Variants in EBF1 observed in about 807,000 individuals in gnomAD.
The protein encoded by EBF1 is transcription factor COE1.
Under a neutral mutation model 68.4 loss-of-function variants are expected in EBF1, and 10 were observed. That is an observed-to-expected ratio of 0.15 (90% confidence interval 0.09 to 0.25). The LOEUF (loss-of-function observed/expected upper bound fraction) is 0.25. EBF1 is among the 10% of genes least tolerant of loss of function. EBF1 has a pLI of 1.00. For missense variants in EBF1, 509 were observed against 794.4 expected (o/e 0.64, Z 4.32); for synonymous variants, 298 against 299.8 (o/e 0.99, Z 0.06).
intron 6 of EBF1, among the ~76,000 whole-genome samples, chr5:158,978,315 C>A (rs766334728): frequency 2.0e-5 from 3 of 152,216 alleles, no homozygotes; most frequent in African/African-American, 7.2e-5. Context: ...AGGGGCCAGG[C>A]GGATGTCTTT....
chr5:159,023,821 A>G (rs1284405340), intron 6 of EBF1, among the ~76,000 whole-genome samples: 2 of 152,194 alleles, frequency 1.3e-5, no homozygotes, highest in Non-Finnish European at 2.9e-5. Context: ...CCCCAAAACA[A>G]TCAGACCTCA....
At chr5:158,873,053 A>G (rs911572373) in intron 6 of EBF1, among the ~76,000 whole-genome samples, 5 of 140,058 alleles carry the variant, frequency 3.6e-5, no homozygotes, top group African/African-American at 5.4e-5. Context: ...CAAGATCCAC[A>G]ATGGCTTAAA....
intron 6 of EBF1, among the ~76,000 whole-genome samples, chr5:159,054,139 A>G (rs1235513062): frequency 6.6e-6 from 1 of 152,220 alleles, no homozygotes; most frequent in Non-Finnish European, 1.5e-5. Flanking sequence ...TTTGCTTTTT[A>G]TAGGGCATTT....
At chr5:158,928,271 G>A (rs555577820) in intron 6 of EBF1, among the ~76,000 whole-genome samples, 1 of 152,234 alleles carries the variant, frequency 6.6e-6, no homozygotes, top group African/African-American at 2.4e-5. Context: ...AGAGTAAAAT[G>A]CTTAGCACAG....
At chr5:158,862,065 A>C (rs892787953) in intron 6 of EBF1, among the ~76,000 whole-genome samples, 3 of 152,214 alleles carry the variant, frequency 2.0e-5, no homozygotes, top group African/African-American at 7.2e-5. Flanking sequence ...GATTACTTTC[A>C]AATTTTTTTG....
At chr5:158,876,928 G>C (rs1482517993) in intron 6 of EBF1, among the ~76,000 whole-genome samples, 1 of 152,114 alleles carries the variant, frequency 6.6e-6, no homozygotes, top group Non-Finnish European at 1.5e-5. Context: ...CACTAACCTG[G>C]TACAAATAGA....
intron 15 of EBF1, among the ~76,000 whole-genome samples, chr5:158,702,674 G>A (rs909322860): frequency 2.8e-5 from 4 of 143,634 alleles, no homozygotes; most frequent in Non-Finnish European, 6.0e-5. Context: ...AACCTGGGAG[G>A]CAGAGCTTGC....
intron 6 of EBF1, among the ~76,000 whole-genome samples, chr5:158,971,912 T>C (rs1347673480): frequency 1.3e-5 from 2 of 152,194 alleles, no homozygotes; most frequent in Non-Finnish European, 2.9e-5. Flanking sequence ...CCAAAGACTA[T>C]AGCCCTAATG....
At chr5:159,036,488 A>G (rs1252594455) in intron 6 of EBF1, among the ~76,000 whole-genome samples, 1 of 141,070 alleles carries the variant, frequency 7.1e-6, no homozygotes, top group Non-Finnish European at 1.5e-5. Context: ...CAGAGCCCTC[A>G]GAAATAACGC....
chr5:159,049,608 T>C (rs543323391), intron 6 of EBF1, among the ~76,000 whole-genome samples: 1 of 152,242 alleles, frequency 6.6e-6, no homozygotes, highest in Non-Finnish European at 1.5e-5. Context: ...CAGGACTAAA[T>C]TGAAATTAGA....
At chr5:158,969,600 C>CA (rs61084099) in intron 6 of EBF1, among the ~76,000 whole-genome samples, 1,029 of 49,162 alleles carry the variant, frequency 0.021, 9 homozygotes, top group Middle Eastern at 0.048. Context: ...CCCATCTCTA[C>CA]AAAAAAAAAA....
rs918628358 is a variant in EBF1, at chr5:158,851,497, GA to G, written c.555-11388del. Among the ~76,000 whole-genome samples the G allele has an allele frequency of 2.2e-3, 167 of 76,306 alleles. 1 individual carries two copies. Among genetic ancestry groups the G allele is most frequent in the African/African-American group, 8.7e-3 (159 of 18,340 alleles). 50.1% of individuals were successfully genotyped at this position (76,306 alleles called of 152,430 possible). A position where few individuals can be genotyped will look rare whatever the true frequency, so the allele number is the denominator to read the frequency against. ...GAGAGAAGGGAAGGGGAGGAAAGAAGAGGGGGGAGAAGGGAAGGGGAGGGGG... is the reference window on the plus strand; with the variant it reads ...GAGAGAAGGGAAGGGGAGGAAAGAAGGGGGGGAGAAGGGAAGGGGAGGGGG... On this transcript the variant is annotated intron_variant, in intron 6 of 15. Transcript: ENST00000313708.
intron 6 of EBF1, among the ~76,000 whole-genome samples, chr5:158,868,878 C>T (rs528233263): frequency 4.4e-4 from 67 of 152,290 alleles, no homozygotes; most frequent in African/African-American, 1.5e-3. Flanking sequence ...AAAGCATTAA[C>T]TTTTAACCTA....
At chr5:158,870,949 G>A (rs776757292) in intron 6 of EBF1, among the ~76,000 whole-genome samples, 16 of 152,312 alleles carry the variant, frequency 1.1e-4, no homozygotes, top group South Asian at 2.1e-4. Flanking sequence ...CTCTTTGTAC[G>A]AAGCAGCAAA....
At chr5:158,821,909 C>CT (rs1343361760) in intron 8 of EBF1, among the ~76,000 whole-genome samples, 2 of 152,134 alleles carry the variant, frequency 1.3e-5, no homozygotes, top group African/African-American at 4.8e-5. Flanking sequence ...TGAAGAATCC[C>CT]TTCTAAGAGC....
intron 6 of EBF1, among the ~76,000 whole-genome samples, chr5:159,014,348 A>G (rs999577401): frequency 5.3e-5 from 8 of 152,226 alleles, no homozygotes; most frequent in Admixed American, 5.2e-4. Flanking sequence ...TAACAGAAAT[A>G]CGGAAGGCTT....
At chr5:158,760,795 T>A (rs1318222033) in intron 10 of EBF1, among the ~76,000 whole-genome samples, 5 of 152,166 alleles carry the variant, frequency 3.3e-5, no homozygotes, top group African/African-American at 4.8e-5. Context: ...ATGAGTTGTG[T>A]TATTATTTTC....
intron 9 of EBF1, among the ~76,000 whole-genome samples, chr5:158,794,569 T>C (rs1397567500): frequency 6.6e-6 from 1 of 152,204 alleles, no homozygotes; most frequent in Non-Finnish European, 1.5e-5. Flanking sequence ...AGCTTCAGAC[T>C]AACCCACCTC....
chr5:159,037,532 C>T (rs1770308062), intron 6 of EBF1, among the ~76,000 whole-genome samples: 1 of 120,292 alleles, frequency 8.3e-6, no homozygotes, highest in Non-Finnish European at 1.7e-5. Flanking sequence ...TGGAAATCAT[C>T]ATTCTCAGTA....
Sources: allele counts gnomAD v4.1 joint callset (sites outside exome capture counted in the v4.1 genomes callset), GRCh38; gene constraint gnomAD v4.1.1; transcripts MANE v1.5; gene names NCBI Gene and HGNC (gene_info 2026-07-23, HGNC 2026-07-21).